Variants in KLK8 observed in about 807,000 individuals in gnomAD.
KLK8 encodes the protein kallikrein related peptidase 8.
A neutral mutation model predicts 26.7 loss-of-function variants in KLK8; 18 were observed. That is an observed-to-expected ratio of 0.67 (90% CI 0.47 to 1.00). KLK8 has a LOEUF of 1.00. KLK8 is among the 50% of genes least tolerant of loss of function. The probability of loss-of-function intolerance (pLI) is 0.00; values close to 1 mark genes in which losing one functional copy is unlikely to be tolerated. For synonymous variants in KLK8, 137 were observed against 127.1 expected (o/e 1.08, Z -0.52); for missense variants, 301 against 331.7 (o/e 0.91, Z 0.72).
At chr19:50,997,994 T>C (rs761354140) in intron 5 of KLK8, 110 bp from the exon 5 acceptor site, 3 of 1,371,532 alleles carry the variant, frequency 2.2e-6, no homozygotes. Flanking sequence ...GTTTTCCAGC[T>C]GCATGGGGGA....
chr19:50,997,807 G>A lies in KLK8; in HGVS notation c.571C>T (p.Gln191Ter), dbSNP rs760686930. The change falls in exon 6 of 7, where the codon CAG (glutamine) becomes TAG (stop). Residue 191 changes from glutamine (Q) to a stop codon, truncating the protein, a stop_gained. Coordinates refer to ENST00000600767, the Ensembl canonical transcript of KLK8. LOFTEE classifies it high-confidence loss of function. ...GCACAGACCATGCCATCTGTGATCT[G>A]CCCCGGGTAAGCATCCTCACACTTC... 7 of 1,614,138 alleles carry A rather than the reference G, an allele frequency of 4.3e-6. No individual in the cohort carries two copies. The highest frequency in any genetic ancestry group is 5.9e-6 in the Non-Finnish European group (7 of 1,180,022).
chr19:50,999,670 C>A (rs764081305), intron 5 of KLK8, among the ~76,000 whole-genome samples: 1 of 139,454 alleles, frequency 7.2e-6, no homozygotes, highest in East Asian at 2.2e-4. Context: ...TTTTCCTGGG[C>A]CTCTGAGAAG....
At chr19:50,996,731 CAAAAAA>C (rs113362363) in intron 6 of KLK8, among the ~76,000 whole-genome samples, 1 of 96,960 alleles carries the variant, frequency 1.0e-5, no homozygotes, top group Non-Finnish European at 2.0e-5. Flanking sequence ...GACCCTGTCT[CAAAAAA>C]AAAAAAAAAA....
exon 7 of KLK8, chr19:50,996,038 G>C: frequency 2.5e-6 from 4 of 1,612,960 alleles, no homozygotes; most frequent in Non-Finnish European, 3.4e-6. Context: ...TATTAAGGGA[G>C]ATCTAGTGCT....
At chr19:51,000,392 C>G (rs1600125183) in intron 4 of KLK8, 32 bp downstream of exon 3, 1 of 1,573,840 alleles carries the variant, frequency 6.4e-7, no homozygotes, top group Non-Finnish European at 8.7e-7. Context: ...TCCTTAAGCC[C>G]CAGCTGACCT....
intron 2 of KLK8, 41 bp from the exon 2 acceptor site, chr19:51,001,216 G>A (rs1175500414): frequency 6.4e-7 from 1 of 1,560,114 alleles, no homozygotes; most frequent in East Asian, 2.3e-5. Context: ...CAGGAAGGAG[G>A]AGCCTGAGCT....
chr19:51,000,445 G>T (rs778165716), exon 4 of KLK8: 1 of 1,611,726 alleles, frequency 6.2e-7, no homozygotes, highest in East Asian at 2.2e-5. Context: ...GTGGGCAGCT[G>T]TAAGGACCCA....
At chr19:50,997,103 G>A (rs2091177476) in intron 6 of KLK8, among the ~76,000 whole-genome samples, 1 of 152,178 alleles carries the variant, frequency 6.6e-6, no homozygotes, top group Non-Finnish European at 1.5e-5. Context: ...ATTGGCAAAG[G>A]TGGTGGGGCT....
At chr19:50,997,365 C>T (rs990529726) in intron 6 of KLK8, among the ~76,000 whole-genome samples, 2 of 151,980 alleles carry the variant, frequency 1.3e-5, no homozygotes, top group African/African-American at 4.8e-5. Flanking sequence ...ACCACCGGGC[C>T]GGTGGTAAAG....
intron 6 of KLK8, among the ~76,000 whole-genome samples, 176 bp downstream of exon 5, chr19:50,997,575 C>CATGA (rs2091181866): frequency 6.6e-6 from 1 of 152,096 alleles, no homozygotes; most frequent in South Asian, 2.1e-4. Flanking sequence ...GTGTGACTTT[C>CATGA]AGAGAGAGAG....
chr19:50,998,967 C>T (rs1473387478), intron 5 of KLK8: 1 of 152,156 alleles, frequency 6.6e-6, no homozygotes, highest in East Asian at 1.9e-4. Flanking sequence ...TTTGCGAGCA[C>T]GTGTGTTTCC....
chr19:50,997,982 G>GA (rs1325549956), intron 5 of KLK8, 98 bp from the exon 5 acceptor site: 5 of 1,480,622 alleles, frequency 3.4e-6, no homozygotes, highest in Non-Finnish European at 3.7e-6. Context: ...TGTAATGGGG[G>GA]AGTTTTCCAG....
chr19:50,999,988 C>T lies in KLK8; in HGVS notation c.493+8G>A, dbSNP rs749848401. The T allele has an allele frequency of 2.5e-6, 4 of 1,583,856 alleles. No homozygotes were observed. In the East Asian group the frequency reaches 9.0e-5, roughly 36 times the overall value. Reference sequence around the variant, plus strand: ...CCTCTCCCTCCCATTAGTGGACAAGCCCACTACCTCGGGGACTGGTGACAG... The same window carrying T: ...CCTCTCCCTCCCATTAGTGGACAAGTCCACTACCTCGGGGACTGGTGACAG... On this transcript the variant is annotated splice_region_variant and intron_variant, in intron 5 of 6. Coordinates refer to ENST00000600767, the Ensembl canonical transcript of KLK8.
chr19:50,996,207 G>C (rs1188327878), exon 7 of KLK8: 1 of 1,614,050 alleles, frequency 6.2e-7, no homozygotes, highest in Non-Finnish European at 8.5e-7. Flanking sequence ...GGGGCCTCCA[G>C]AATCGCCCTA....
chr19:51,000,707 G>C (rs2091216271), intron 3 of KLK8, 124 bp from the exon 3 acceptor site: 1 of 1,542,306 alleles, frequency 6.5e-7, no homozygotes, highest in Admixed American at 1.9e-5. Flanking sequence ...AGGAGGTCCA[G>C]GCTTCCACAC....
chr19:50,997,931 C>T, intron 5 of KLK8, 47 bp from the exon 5 acceptor site: 1 of 1,608,788 alleles, frequency 6.2e-7, no homozygotes, highest in East Asian at 2.2e-5. Context: ...CAGCCCTTTG[C>T]CTCCATCCCT....
At chr19:51,000,517 C>A in exon 4 of KLK8, 2 of 1,614,102 alleles carry the variant, frequency 1.2e-6, no homozygotes, top group Non-Finnish European at 1.7e-6. Flanking sequence ...GGCCGCCTGC[C>A]AAGGCTGCGA....
chr19:51,000,071 T>C (rs751293391), exon 5 of KLK8: 1 of 1,614,020 alleles, frequency 6.2e-7, no homozygotes, highest in South Asian at 1.1e-5. Flanking sequence ...TCTGCCAGGC[T>C]GATGGGCTTC....
At chr19:51,000,898 G>A (rs1348709505) in intron 3 of KLK8, among the ~76,000 whole-genome samples, 200 bp downstream of exon 2, 1 of 152,160 alleles carries the variant, frequency 6.6e-6, no homozygotes, top group Non-Finnish European at 1.5e-5. Flanking sequence ...CAGCATCACG[G>A]AACCTACTCC....
Sources: allele counts gnomAD v4.1 joint callset (sites outside exome capture counted in the v4.1 genomes callset), GRCh38; gene constraint gnomAD v4.1.1; transcripts MANE v1.5; gene names NCBI Gene and HGNC (gene_info 2026-07-23, HGNC 2026-07-21).